The following SLC25A48 variants were observed in gnomAD, a reference collection of about 807,000 sequenced individuals.
The protein encoded by SLC25A48 is CTC-321K16.1.
SLC25A48 carries 29 observed loss-of-function variants against 32.2 expected under a neutral mutation model. That is an observed-to-expected ratio of 0.90 (90% CI 0.67 to 1.23). The LOEUF is 1.23. Among genes scored for constraint, SLC25A48 ranks in the 50% most tolerant of loss-of-function variants. The pLI is 0.00. For synonymous variants in SLC25A48, 164 were observed against 172.3 expected (o/e 0.95, Z 0.38); for missense variants, 399 against 422.7 (o/e 0.94, Z 0.49).
chr5:135,631,841 C>T (rs1752579613), intron 2 of SLC25A48, among the ~76,000 whole-genome samples: 1 of 152,194 alleles, frequency 6.6e-6, no homozygotes, highest in Non-Finnish European at 1.5e-5. Context: ...TTCTCAATCC[C>T]ATCTTTAGTG....
intron 3 of SLC25A48, among the ~76,000 whole-genome samples, chr5:135,696,688 C>T (rs1299736581): frequency 2.6e-5 from 4 of 152,242 alleles, no homozygotes; most frequent in Non-Finnish European, 4.4e-5. Flanking sequence ...AACTCTGCCA[C>T]ATTGTCCCAG....
chr5:135,661,861 C>A (rs1246047723), intron 3 of SLC25A48, among the ~76,000 whole-genome samples: 3 of 152,194 alleles, frequency 2.0e-5, no homozygotes, highest in Non-Finnish European at 4.4e-5. Context: ...TGTGGATATA[C>A]CACAGTGTAG....
chr5:135,669,227 C>A (rs140985068), intron 3 of SLC25A48, among the ~76,000 whole-genome samples: 189 of 152,224 alleles, frequency 1.2e-3, no homozygotes, highest in African/African-American at 4.3e-3. Flanking sequence ...CCTGTCTTCT[C>A]CCCAGCCTGA....
At chr5:135,830,969 G>T (rs1198538349), upstream of SLC25A48, among the ~76,000 whole-genome samples, 1 of 152,162 alleles carries the variant, frequency 6.6e-6, no homozygotes, top group Non-Finnish European at 1.5e-5. Flanking sequence ...CTTGAGAGAG[G>T]GCAACCAGGT....
At chr5:135,617,902 A>G (rs758838596) in intron 1 of SLC25A48, among the ~76,000 whole-genome samples, 1 of 151,896 alleles carries the variant, frequency 6.6e-6, no homozygotes, top group Non-Finnish European at 1.5e-5. Flanking sequence ...TGTGCTGATG[A>G]GGAGAATGTT....
intron 1 of SLC25A48, among the ~76,000 whole-genome samples, chr5:135,835,491 G>C (rs1209000149): frequency 6.6e-6 from 1 of 152,036 alleles, no homozygotes; most frequent in South Asian, 2.1e-4. Context: ...CCCCTTCTCC[G>C]GGCACTGTTG....
At chr5:135,767,307 T>C (rs1470817337) in intron 3 of SLC25A48, among the ~76,000 whole-genome samples, 1 of 151,912 alleles carries the variant, frequency 6.6e-6, no homozygotes, top group East Asian at 1.9e-4. Context: ...GATATTACTT[T>C]CCATATCGTG....
chr5:135,801,341 GA>G (rs1428621266), intron 3 of SLC25A48, among the ~76,000 whole-genome samples: 5 of 150,558 alleles, frequency 3.3e-5, no homozygotes, highest in South Asian at 2.1e-4. Flanking sequence ...AAAATATCTA[GA>G]AAAAAAAGGG....
intron 1 of SLC25A48, among the ~76,000 whole-genome samples, chr5:135,590,760 C>T (rs1440530066): frequency 6.6e-6 from 1 of 152,186 alleles, no homozygotes; most frequent in East Asian, 1.9e-4. Context: ...AGACAATAGG[C>T]TGGCTTTGTG....
chr5:135,654,060 C>T lies in SLC25A48; in HGVS notation c.-521+19104C>T, dbSNP rs1753183705. The T allele has an allele frequency of 1.1e-5, 4 of 374,094 alleles. 1 individual carries two copies. Among genetic ancestry groups the T allele is most frequent in the South Asian group, 7.9e-5 (4 of 50,706 alleles). 23.2% of individuals were successfully genotyped at this position (374,094 alleles called of 1,614,324 possible). On this transcript the variant is annotated intron_variant, in intron 3 of 10. Coordinates refer to the SLC25A48 transcript ENST00000646290. ...AGCCACAGCCTGCTTATGTAACAGC[C>T]ACCAGTGGGACCCAATTGTGACATT...
intron 6 of SLC25A48, among the ~76,000 whole-genome samples, chr5:135,877,417 C>T (rs1035807071): frequency 3.9e-5 from 6 of 152,010 alleles, no homozygotes; most frequent in Admixed American, 2.0e-4. Context: ...GGCCAGCTGC[C>T]CTGGGTTGCT....
intron 1 of SLC25A48, among the ~76,000 whole-genome samples, chr5:135,613,030 A>G (rs1752107528): frequency 6.6e-6 from 1 of 152,148 alleles, no homozygotes; most frequent in Non-Finnish European, 1.5e-5. Context: ...TAACTAATTT[A>G]TGTTCCTACC....
rs1487911514 is a variant in SLC25A48 at position 135,784,347 on chromosome 5, C to T, written c.-520-28176C>T. ...CAATACCCCAGGAAGTTTCCACCCC[C>T]CTGTGATATAGTTTTTAATATCCAG... On this transcript the variant is annotated intron_variant, in intron 3 of 10. Transcript: ENST00000646290. Among the ~76,000 whole-genome samples the T allele has an allele frequency of 4.1e-4, 48 of 116,604 alleles. 14 individuals carry two copies. The highest frequency in any genetic ancestry group is 6.3e-5 in the Non-Finnish European group (3 of 47,250). 76.5% of individuals were successfully genotyped at this position (116,604 alleles called of 152,430 possible).
At chr5:135,856,660 G>C (rs1760349343) in intron 4 of SLC25A48, among the ~76,000 whole-genome samples, 1 of 152,230 alleles carries the variant, frequency 6.6e-6, no homozygotes, top group African/African-American at 2.4e-5. Context: ...GAGACACAGG[G>C]CCGGCAGTTC....
intron 2 of SLC25A48, among the ~76,000 whole-genome samples, chr5:135,630,588 CTTTTTTTTTTTTTTTT>C (rs869088370): frequency 0.034 from 2,034 of 59,084 alleles, 104 homozygotes; most frequent in African/African-American, 0.12. Context: ...GGCTGGGCAC[CTTTTTTTTTTTTTTTT>C]TTTTTTTTTT....
At position 135,842,417 on chromosome 5, in the gene SLC25A48, T is replaced by C; in HGVS notation, c.48T>C (p.Gly16=). ...TAGGCATTCTTTTTTGATCCACAGG[T>C]GCAGCCAGTGTCATCGTTGGCCACC... The part of the protein sequence containing the change: ...LEDFAAGWIG[G]AASVIVGHPL... Residue 16 remains glycine, a splice_region_variant and synonymous_variant, in exon 2 of 8, where the codon GGT becomes GGC. Transcript: ENST00000681962. 3 of 1,613,870 alleles carry C rather than the reference T, an allele frequency of 1.9e-6. No individual in the cohort carries two copies. The highest frequency in any genetic ancestry group is 2.5e-6 in the Non-Finnish European group (3 of 1,179,780).
chr5:135,844,697 G>T (rs1759272332), intron 2 of SLC25A48, among the ~76,000 whole-genome samples: 3 of 152,170 alleles, frequency 2.0e-5, no homozygotes, highest in South Asian at 4.1e-4. Context: ...ATTAAGTTTT[G>T]CTCAGTTACC....
intron 4 of SLC25A48, among the ~76,000 whole-genome samples, chr5:135,818,930 GA>G (rs1189476489): frequency 1.3e-5 from 2 of 151,744 alleles, no homozygotes; most frequent in African/African-American, 4.8e-5. Context: ...TACGAAATGT[GA>G]AAAAAAATTT....
chr5:135,723,380 T>TCTCTCACACACA (rs1356362581), intron 3 of SLC25A48, among the ~76,000 whole-genome samples: 13 of 111,712 alleles, frequency 1.2e-4, no homozygotes, highest in African/African-American at 4.4e-4. Flanking sequence ...TCTCTCTCTC[T>TCTCTCACACACA]CACACACACA....
Sources: gnomAD v4.1 joint callset for allele counts (sites outside exome capture counted in the v4.1 genomes callset) on GRCh38, gnomAD v4.1.1 for gene constraint, MANE v1.5 for transcripts, NCBI Gene and HGNC (gene_info 2026-07-23, HGNC 2026-07-21) for gene names.